Variants in PCSK4 observed in about 807,000 individuals in gnomAD.
PCSK4 encodes the protein testicular tissue protein Li 135.
PCSK4 carries 64 observed loss-of-function variants against 80.3 expected under a neutral mutation model. That is an observed-to-expected ratio of 0.80 (90% CI 0.65 to 0.98). The LOEUF (loss-of-function observed/expected upper bound fraction) is 0.98, where lower values mean the gene tolerates loss of function less well. PCSK4 is among the 50% of genes least tolerant of loss of function. The pLI is 0.00. For missense variants in PCSK4, 1,213 were observed against 1,093.6 expected, an observed-to-expected ratio of 1.11 and a Z score of -1.54; for synonymous variants, 561 against 487.6, an observed-to-expected ratio of 1.15 and a Z score of -1.98.
exon 2 of PCSK4, chr19:1,489,866 C>T (rs1242824386): frequency 1.9e-6 from 3 of 1,610,068 alleles, no homozygotes; most frequent in African/African-American, 2.7e-5. Context: ...GCCCCGGTGC[C>T]GCAGGTGAAA....
chr19:1,490,063 T>G, intron 1 of PCSK4, 95 bp downstream of exon 1: 1 of 1,537,004 alleles, frequency 6.5e-7, no homozygotes, highest in Non-Finnish European at 8.8e-7. Context: ...TCTTGATATT[T>G]AGAAGACCTT....
chr19:1,486,274 G>A (rs1017928956), intron 8 of PCSK4, among the ~76,000 whole-genome samples: 1 of 151,830 alleles, frequency 6.6e-6, no homozygotes, highest in Non-Finnish European at 1.5e-5. Context: ...ACTGTGCTTG[G>A]CCTGGATTTG....
chr19:1,485,484 G>A (rs2084553923), intron 8 of PCSK4, among the ~76,000 whole-genome samples: 1 of 152,186 alleles, frequency 6.6e-6, no homozygotes, highest in South Asian at 2.1e-4. Flanking sequence ...AGAATCGCTT[G>A]AGCCCGGCAG....
intron 2 of PCSK4, 190 bp downstream of exon 2, chr19:1,489,603 C>G (rs752958507): frequency 3.2e-5 from 33 of 1,040,680 alleles, no homozygotes; most frequent in Non-Finnish European, 4.0e-5. Flanking sequence ...CAGGCCCTGG[C>G]AGGCGCCATG....
At chr19:1,489,461 C>A (rs791467) in intron 2 of PCSK4, 103,585 of 302,694 alleles carry the variant, frequency 0.34, 19,226 homozygotes, top group African/African-American at 0.5. Context: ...GAACCCATTA[C>A]GGTGTCGTAA....
At chr19:1,488,212 G>A (rs1568222293) in exon 3 of PCSK4, 4 of 1,613,518 alleles carry the variant, frequency 2.5e-6, no homozygotes, top group Non-Finnish European at 3.4e-6. Context: ...TGGAGAACCA[G>A]GGGTCCGTGG....
rs2084638501 is a variant in PCSK4 at position 1,486,771 on chromosome 19, G to A, written c.1068+82C>T. 2.5e-6 allele frequency: 3 copies of A among 1,205,290 alleles called. No homozygotes were observed. The African/African-American group carries it at 4.5e-5, about 18-fold the overall frequency. 74.7% of individuals were successfully genotyped at this position (1,205,290 alleles called of 1,614,324 possible). ...CAAAGCAGCTTTGGGAGGGTGCTAAGTCACAGTGGTGGGGACAGGAGGAGG... is the reference window on the plus strand; with the variant it reads ...CAAAGCAGCTTTGGGAGGGTGCTAAATCACAGTGGTGGGGACAGGAGGAGG... On this transcript the variant is annotated intron_variant, in intron 8 of 14. Coordinates refer to ENST00000300954, the Ensembl canonical transcript of PCSK4.
Position 1,487,322 on chromosome 19 carries a change from C to T in PCSK4, c.683-9G>A, listed in dbSNP as rs774445577. The T allele has an allele frequency of 1.1e-5, 18 of 1,578,218 alleles. No individual in the cohort carries two copies. The highest frequency in any genetic ancestry group is 1.7e-5 in the Admixed American group (1 of 58,902). ...GTCCAGCATCCGTACGCCTGCAGAG[C>T]CAGGGCGGGAGGGCCGCTGCCACCG... On this transcript the variant is annotated splice_polypyrimidine_tract_variant and intron_variant, in intron 6 of 14. Coordinates refer to ENST00000300954, the Ensembl canonical transcript of PCSK4.
exon 15 of PCSK4, chr19:1,481,992 G>T: frequency 1.3e-6 from 2 of 1,591,788 alleles, no homozygotes; most frequent in Non-Finnish European, 8.5e-7. Flanking sequence ...GAGCCCTGCT[G>T]CTGGTCCAGC....
exon 1 of PCSK4, chr19:1,490,215 C>T (rs754241078): frequency 2.5e-6 from 4 of 1,613,194 alleles, no homozygotes; most frequent in Non-Finnish European, 2.5e-6. Context: ...CCCGGTTACC[C>T]TGGGACACCT....
chr19:1,487,360 C>A, intron 6 of PCSK4, 47 bp from the exon 7 acceptor site: 2 of 1,465,900 alleles, frequency 1.4e-6, no homozygotes, highest in Non-Finnish European at 1.8e-6. Flanking sequence ...CCTGCCCTTC[C>A]CCACACCCCA....
chr19:1,483,228 G>A (rs2084400866), intron 12 of PCSK4, 56 bp downstream of exon 12: 1 of 1,448,524 alleles, frequency 6.9e-7, no homozygotes, highest in African/African-American at 1.4e-5. Flanking sequence ...CCGGGTAGAT[G>A]GCAGCGTTTA....
Position 1,490,141 on chromosome 19 carries a change from A to G in PCSK4, c.189+17T>C. ...CCCTCCAAGCCCCCACTTCCCGTCT[A>G]TCCCGGTCCCACCCACCGGCCCCAG... On this transcript the variant is annotated intron_variant, in intron 1 of 14. Transcript: ENST00000300954. 6.2e-7 allele frequency: 1 copy of G among 1,613,186 alleles called. No individual in the cohort carries two copies. The highest frequency in any genetic ancestry group is 1.3e-5 in the African/African-American group (1 of 75,024).
intron 2 of PCSK4, 26 bp downstream of exon 2, chr19:1,489,767 G>A: frequency 6.3e-7 from 1 of 1,591,794 alleles, no homozygotes; most frequent in Non-Finnish European, 8.6e-7. Context: ...CCCCGGGCAG[G>A]GGGTTGGCCT....
chr19:1,482,547 G>C, intron 13 of PCSK4, 72 bp from the exon 14 acceptor site: 1 of 1,541,300 alleles, frequency 6.5e-7, no homozygotes, highest in Admixed American at 1.8e-5. Flanking sequence ...TAGTCCCCGG[G>C]CTCCCTCCCC....
At position 1,482,270 on chromosome 19, in the gene PCSK4, C is replaced by A; in HGVS notation, c.1820-63G>T. ...CCACCCGCAGCCTGTTACTCGCCAC[C>A]CGCCCGCCTGGGGCCACATGCACGC... On this transcript the variant is annotated intron_variant, in intron 14 of 14. Transcript: ENST00000300954. 2.0e-6 allele frequency: 3 copies of A among 1,527,526 alleles called. No homozygotes were observed. In the Admixed American group the frequency reaches 5.9e-5, roughly 30 times the overall value. 94.6% of individuals were successfully genotyped at this position (1,527,526 alleles called of 1,614,324 possible).
At chr19:1,490,657 T>C (rs1023131299), upstream of PCSK4, 7 of 354,032 alleles carry the variant, frequency 2.0e-5, no homozygotes, top group Non-Finnish European at 3.6e-5. Context: ...GTTTGACCTC[T>C]CCCACTTTCC....
Position 1,486,841 on chromosome 19 carries a change from G to C in PCSK4, c.1068+12C>G, listed in dbSNP as rs141467017. The C allele has an allele frequency of 1.3e-6, 2 of 1,587,962 alleles. No homozygotes were observed. The highest frequency in any genetic ancestry group is 2.2e-5 in the East Asian group (1 of 44,494). ...CCTGGGGAGGGGACCCTGTTGGGGCGGCTGCACTCACGATCTGGGGGTCGG... is the reference window on the plus strand; with the variant it reads ...CCTGGGGAGGGGACCCTGTTGGGGCCGCTGCACTCACGATCTGGGGGTCGG... On this transcript the variant is annotated intron_variant, in intron 8 of 14. Coordinates refer to ENST00000300954, the Ensembl canonical transcript of PCSK4.
At chr19:1,486,911 G>C in exon 8 of PCSK4, 1 of 1,602,808 alleles carries the variant, frequency 6.2e-7, no homozygotes, top group Admixed American at 1.7e-5. Flanking sequence ...GGAGGCGCAG[G>C]CTTCGCTGTA....
Sources: allele counts gnomAD v4.1 joint callset (sites outside exome capture counted in the v4.1 genomes callset), GRCh38; gene constraint gnomAD v4.1.1; transcripts MANE v1.5; gene names NCBI Gene and HGNC (gene_info 2026-07-23, HGNC 2026-07-21).